Variants in MID1 observed in about 807,000 individuals in gnomAD.
MID1 encodes midline 1.
A neutral mutation model predicts 40.4 loss-of-function variants in MID1; 7 were observed. That is an observed-to-expected ratio of 0.17 (90% confidence interval 0.10 to 0.33). The LOEUF is 0.33. MID1 is among the 10% of genes least tolerant of loss of function. The probability of loss-of-function intolerance (pLI) is 1.00; values close to 1 mark genes in which losing one functional copy is unlikely to be tolerated. For synonymous variants in MID1, 229 were observed against 221.2 expected (o/e 1.04, Z -0.31); for missense variants, 367 against 558.5 (o/e 0.66, Z 3.46).
intron 1 of MID1, among the ~76,000 whole-genome samples, chrX:10,721,899 G>A (rs972138544): frequency 3.6e-5 from 4 of 110,380 alleles, no homozygotes; most frequent in African/African-American, 1.3e-4. Context: ...CAAGATTACT[G>A]TCACTACAAA....
chrX:10,774,964 C>A (rs1426597080), intron 1 of MID1, among the ~76,000 whole-genome samples: 1 of 110,954 alleles, frequency 9.0e-6, no homozygotes, highest in Non-Finnish European at 1.9e-5. Flanking sequence ...TGTGGATAAT[C>A]TTAAAGTTTT....
chrX:10,770,822 T>C (rs1234797666), intron 1 of MID1, among the ~76,000 whole-genome samples: 4 of 112,153 alleles, frequency 3.6e-5, no homozygotes, highest in African/African-American at 1.3e-4. Context: ...TTTTTATACT[T>C]GGCTGGGTGC....
At chrX:10,714,689 T>C (rs954037991) in intron 1 of MID1, among the ~76,000 whole-genome samples, 6 of 112,433 alleles carry the variant, frequency 5.3e-5, no homozygotes, top group Admixed American at 3.8e-4. Context: ...AGCATGCCAA[T>C]TGTCTCATTT....
At chrX:10,555,670 A>T (rs886207306) in intron 2 of MID1, among the ~76,000 whole-genome samples, 2 of 110,902 alleles carry the variant, frequency 1.8e-5, no homozygotes, top group Middle Eastern at 4.3e-3. Flanking sequence ...GCAGATAGGG[A>T]AAAGAATATT....
At chrX:10,704,739 T>TACAC (rs1189463440) in intron 1 of MID1, among the ~76,000 whole-genome samples, 46 of 82,179 alleles carry the variant, frequency 5.6e-4, no homozygotes, top group East Asian at 2.5e-3. Context: ...TATATATATA[T>TACAC]ACACACACAC....
chrX:10,678,175 T>A (rs978836187), intron 1 of MID1, among the ~76,000 whole-genome samples: 2 of 111,899 alleles, frequency 1.8e-5, no homozygotes, highest in African/African-American at 6.5e-5. Flanking sequence ...TAAAATTATA[T>A]GTAAGCAACT....
At chrX:10,747,006 G>A (rs765249911) in intron 1 of MID1, among the ~76,000 whole-genome samples, 92 of 111,451 alleles carry the variant, frequency 8.3e-4, no homozygotes, top group Non-Finnish European at 1.6e-3. Context: ...TATGGAGAAG[G>A]TGAGAGGTGA....
In MID1 at chrX:10,448,345, T is replaced by C. The variant is rs1436955224; in HGVS notation, c.*1023A>G. 9.0e-6 allele frequency: 1 copy of C among 111,380 alleles called. No homozygotes were observed. The highest frequency in any genetic ancestry group is 1.9e-5 in the Non-Finnish European group (1 of 53,127). The allele number at this position is 111,380 out of a possible 1,213,427, so 9.2% of individuals were successfully genotyped here. ...AGTGCTGATCAGGGCCATGTGCTGATGTCCTGGAGAGCAAAATCAATCCAA... is the reference window on the plus strand; with the variant it reads ...AGTGCTGATCAGGGCCATGTGCTGACGTCCTGGAGAGCAAAATCAATCCAA... On this transcript the variant is annotated 3_prime_UTR_variant, in exon 10 of 10. Coordinates refer to ENST00000317552, the MANE Select transcript of MID1 (RefSeq NM_000381.4).
chrX:10,618,880 T>C (rs1602475764), intron 1 of MID1, among the ~76,000 whole-genome samples: 2 of 112,000 alleles, frequency 1.8e-5, no homozygotes, highest in Middle Eastern at 4.6e-3. Flanking sequence ...CAAAAATGTT[T>C]TGCGTTCCTC....
intron 1 of MID1, chrX:10,576,921 T>A (rs1333245463): frequency 1.9e-5 from 2 of 106,105 alleles, no homozygotes; most frequent in African/African-American, 7.0e-5. Context: ...TGTCTGTGAG[T>A]GCGTCAACAG....
At chrX:10,772,450 T>C (rs190821706) in intron 1 of MID1, among the ~76,000 whole-genome samples, 144 of 109,770 alleles carry the variant, frequency 1.3e-3, no homozygotes, top group African/African-American at 4.0e-3. Flanking sequence ...AGACTACAAA[T>C]TGGGTGCAGG....
chrX:10,815,838 T>C (rs761846812), intron 1 of MID1, among the ~76,000 whole-genome samples: 8 of 112,393 alleles, frequency 7.1e-5, no homozygotes, highest in Non-Finnish European at 1.1e-4. Flanking sequence ...TAGCAATTGG[T>C]TTCTTCAGTC....
At chrX:10,728,038 G>C (rs1236922621) in intron 1 of MID1, among the ~76,000 whole-genome samples, 2 of 112,162 alleles carry the variant, frequency 1.8e-5, no homozygotes, top group African/African-American at 6.5e-5. Flanking sequence ...TTATTGAGTG[G>C]TTCTTTGGAC....
intron 1 of MID1, among the ~76,000 whole-genome samples, chrX:10,775,931 T>C (rs1602570502): frequency 9.0e-6 from 1 of 111,720 alleles, no homozygotes; most frequent in African/African-American, 3.2e-5. Flanking sequence ...CTGTTCTCTT[T>C]TGAATACTTA....
intron 2 of MID1, among the ~76,000 whole-genome samples, chrX:10,557,786 T>C (rs922786264): frequency 8.9e-6 from 1 of 112,205 alleles, no homozygotes; most frequent in South Asian, 3.7e-4. Context: ...CATTTGTGTC[T>C]GTACCTAAGA....
intron 1 of MID1, among the ~76,000 whole-genome samples, chrX:10,787,424 G>T (rs1009954781): frequency 4.8e-5 from 5 of 103,208 alleles, no homozygotes; most frequent in Admixed American, 2.2e-4. Flanking sequence ...CGTACTACTT[G>T]CATAACCAAA....
intron 1 of MID1, among the ~76,000 whole-genome samples, chrX:10,644,473 T>C: frequency 9.0e-6 from 1 of 110,769 alleles, no homozygotes; most frequent in Middle Eastern, 4.7e-3. Flanking sequence ...TTCTTTTTCA[T>C]TATTCATATG....
intron 1 of MID1, among the ~76,000 whole-genome samples, chrX:10,600,111 G>A (rs749988394): frequency 4.3e-4 from 48 of 111,582 alleles, no homozygotes; most frequent in Middle Eastern, 9.3e-3. Flanking sequence ...TGAAAACTGT[G>A]TCCTCAGTAA....
chrX:10,772,787 T>C (rs1392250492), intron 1 of MID1, among the ~76,000 whole-genome samples: 1 of 110,405 alleles, frequency 9.1e-6, no homozygotes. Context: ...GATTTGATTA[T>C]ATATCTGTAC....
Sources: gnomAD v4.1 joint callset for allele counts (sites outside exome capture counted in the v4.1 genomes callset) on GRCh38, gnomAD v4.1.1 for gene constraint, MANE v1.5 for transcripts, NCBI Gene and HGNC (gene_info 2026-07-23, HGNC 2026-07-21) for gene names.